Variants in CBFA2T3 observed in about 807,000 individuals in gnomAD.
CBFA2T3 encodes the protein transcriptional corepressor CBFA2T3.
Under a neutral mutation model 58.6 loss-of-function variants are expected in CBFA2T3, and 31 were observed. The ratio of observed to expected loss-of-function variants is 0.53; its 90% CI spans 0.40 to 0.71. The LOEUF is 0.71. CBFA2T3 is among the 30% of genes least tolerant of loss of function. The probability of loss-of-function intolerance (pLI) is 0.00; values close to 1 mark genes in which losing one functional copy is unlikely to be tolerated. For missense variants in CBFA2T3, 1,076 were observed against 963.1 expected, an observed-to-expected ratio of 1.12 and a Z score of -1.55; for synonymous variants, 531 against 421.9, an observed-to-expected ratio of 1.26 and a Z score of -3.17.
chr16:88,922,823 C>A (rs567030829), intron 1 of CBFA2T3, among the ~76,000 whole-genome samples: 5 of 152,234 alleles, frequency 3.3e-5, no homozygotes, highest in African/African-American at 4.8e-5. Flanking sequence ...ACATGGCCAA[C>A]AAAATACTAA....
intron 1 of CBFA2T3, among the ~76,000 whole-genome samples, chr16:88,955,877 C>A (rs953139618): frequency 1.0e-4 from 15 of 146,480 alleles, no homozygotes; most frequent in Non-Finnish European, 1.9e-4. Context: ...AGGCTCCTGA[C>A]CCCAGCCAAG....
intron 3 of CBFA2T3, among the ~76,000 whole-genome samples, chr16:88,894,064 C>T (rs1438276614): frequency 1.3e-5 from 2 of 152,158 alleles, no homozygotes; most frequent in Admixed American, 1.3e-4. Context: ...CAGAAGGACA[C>T]GCTCCCTACA....
intron 1 of CBFA2T3, among the ~76,000 whole-genome samples, chr16:88,954,445 C>CTCCTGACCCCAGCCAAGTG (rs1447257413): frequency 6.3e-5 from 9 of 142,946 alleles, no homozygotes; most frequent in Admixed American, 5.4e-4. Flanking sequence ...CCATCCAAGG[C>CTCCTGACCCCAGCCAAGTG]TCCTGACCCC....
intron 1 of CBFA2T3, among the ~76,000 whole-genome samples, chr16:88,908,560 G>A (rs921078620): frequency 4.6e-5 from 7 of 152,120 alleles, no homozygotes; most frequent in African/African-American, 1.4e-4. Flanking sequence ...TTCCCCGTCC[G>A]TGGGGGCACC....
At chr16:88,916,213 T>C (rs1000823957) in intron 1 of CBFA2T3, among the ~76,000 whole-genome samples, 1 of 141,230 alleles carries the variant, frequency 7.1e-6, no homozygotes, top group Non-Finnish European at 1.5e-5. Context: ...TACATGCACT[T>C]ACATATACAT....
chr16:88,901,431 C>G (rs1970092756), intron 2 of CBFA2T3, 73 bp downstream of exon 2: 2 of 748,588 alleles, frequency 2.7e-6, no homozygotes, highest in Non-Finnish European at 4.2e-6. Context: ...GGGCAGGAAG[C>G]TCAGAATTTC....
Position 88,898,169 on chromosome 16 carries a change from A to T in CBFA2T3, c.305-17T>A. 6.2e-7 allele frequency: 1 copy of T among 1,602,898 alleles called. No individual in the cohort carries two copies. Among genetic ancestry groups the T allele is most frequent in the Non-Finnish European group, 8.5e-7 (1 of 1,171,520 alleles). Reference sequence around the variant, plus strand: ...CCTCTCGATCTGTAAGCAAAATAAGAAGAACACGCTGTCAGGAGGGGCGTG... The same window carrying T: ...CCTCTCGATCTGTAAGCAAAATAAGTAGAACACGCTGTCAGGAGGGGCGTG... On this transcript the variant is annotated splice_polypyrimidine_tract_variant and intron_variant, in intron 2 of 11. Coordinates refer to ENST00000268679, the MANE Select transcript of CBFA2T3 (RefSeq NM_005187.6).
chr16:88,966,679 C>T (rs568590768), intron 1 of CBFA2T3, among the ~76,000 whole-genome samples: 1 of 152,320 alleles, frequency 6.6e-6, no homozygotes, highest in Admixed American at 6.5e-5. Context: ...ACCTCCAGAA[C>T]CACTGCCTGC....
At chr16:88,975,121 GCCCTCTGC>G (rs1972769758) in intron 1 of CBFA2T3, among the ~76,000 whole-genome samples, 25 of 72,016 alleles carry the variant, frequency 3.5e-4, no homozygotes, top group African/African-American at 8.2e-4. Context: ...GGCCACCCTG[GCCCTCTGC>G]TCCTGACCTG....
chr16:88,915,161 G>C (rs1170106558), intron 1 of CBFA2T3, among the ~76,000 whole-genome samples: 2 of 144,642 alleles, frequency 1.4e-5, no homozygotes, highest in Non-Finnish European at 3.0e-5. Flanking sequence ...CTTCCGTTGA[G>C]GATCCGTGTG....
At chr16:88,950,046 C>T (rs1486231434) in intron 1 of CBFA2T3, among the ~76,000 whole-genome samples, 7 of 152,144 alleles carry the variant, frequency 4.6e-5, no homozygotes, top group Admixed American at 1.3e-4. Flanking sequence ...ACCCCCGCCA[C>T]TCTCGAAGTC....
At position 88,935,422 on chromosome 16, in the gene CBFA2T3, A is replaced by G. The variant is rs1567619452; in HGVS notation, c.152-33766T>C. Among the ~76,000 whole-genome samples the G allele has an allele frequency of 2.0e-5, 3 of 152,352 alleles. 1 individual carries two copies. Among genetic ancestry groups the G allele is most frequent in the Admixed American group, 6.5e-5 (1 of 15,312 alleles). On this transcript the variant is annotated intron_variant, in intron 1 of 11. Coordinates refer to ENST00000268679, the MANE Select transcript of CBFA2T3 (RefSeq NM_005187.6). Reference sequence around the variant, plus strand: ...ACCTAGGCTCTGGAGGGCCCAAGTCAGGTGGCCTCGGCTCCCAAGTGGGAA... The same window carrying G: ...ACCTAGGCTCTGGAGGGCCCAAGTCGGGTGGCCTCGGCTCCCAAGTGGGAA...
Position 88,886,032 on chromosome 16 carries a change from G to A in CBFA2T3, c.822C>T (p.Ala274=). 6.4e-7 allele frequency: 1 copy of A among 1,571,886 alleles called. No individual in the cohort carries two copies. Among genetic ancestry groups the A allele is most frequent in the Admixed American group, 1.9e-5 (1 of 52,938 alleles). The change falls in exon 6 of 12, where the codon GCC becomes GCT. Residue 274 remains alanine, a synonymous_variant. Coordinates refer to ENST00000268679, the MANE Select transcript of CBFA2T3 (RefSeq NM_005187.6). ...QHEQLLLDAS[A]SSPIDSSELL... Reference sequence around the variant, plus strand: ...GCTCTGAGGAGTCGATGGGGGAGGAGGCGCTGGCGTCCAGCAGGAGCTGCT... The same window carrying A: ...GCTCTGAGGAGTCGATGGGGGAGGAAGCGCTGGCGTCCAGCAGGAGCTGCT...
intron 1 of CBFA2T3, among the ~76,000 whole-genome samples, chr16:88,969,140 C>T (rs554357908): frequency 3.9e-5 from 6 of 152,316 alleles, no homozygotes; most frequent in South Asian, 2.1e-4. Flanking sequence ...CAGCCTGGCC[C>T]GGATGCCGCC....
At chr16:88,969,796 C>A (rs1276715026) in intron 1 of CBFA2T3, among the ~76,000 whole-genome samples, 1 of 152,182 alleles carries the variant, frequency 6.6e-6, no homozygotes, top group African/African-American at 2.4e-5. Context: ...CTAGAGGGCA[C>A]CGTGGACCCG....
At chr16:88,948,702 C>T (rs1169007039) in intron 1 of CBFA2T3, among the ~76,000 whole-genome samples, 3 of 152,252 alleles carry the variant, frequency 2.0e-5, no homozygotes, top group Non-Finnish European at 4.4e-5. Context: ...TCTTCCTTCA[C>T]TCTCCATATC....
chr16:88,966,603 C>G (rs191602114), intron 1 of CBFA2T3, among the ~76,000 whole-genome samples: 5 of 152,200 alleles, frequency 3.3e-5, no homozygotes, highest in Non-Finnish European at 4.4e-5. Flanking sequence ...GCTTCCCAGC[C>G]TCCCTTGGAG....
At chr16:88,967,691 C>T (rs372608795) in intron 1 of CBFA2T3, among the ~76,000 whole-genome samples, 73 of 152,304 alleles carry the variant, frequency 4.8e-4, no homozygotes, top group Middle Eastern at 3.4e-3. Context: ...GTGGCTCCCG[C>T]GACCTGGCTT....
chr16:88,916,228 G>GTGCA (rs1970719203), intron 1 of CBFA2T3, among the ~76,000 whole-genome samples: 1 of 149,032 alleles, frequency 6.7e-6, no homozygotes, highest in Non-Finnish European at 1.5e-5. Flanking sequence ...ATACATGTGG[G>GTGCA]TGTGTGTATT....
Sources: allele counts gnomAD v4.1 joint callset (sites outside exome capture counted in the v4.1 genomes callset), GRCh38; gene constraint gnomAD v4.1.1; transcripts MANE v1.5; gene names NCBI Gene and HGNC (gene_info 2026-07-23, HGNC 2026-07-21).